The following MEIOB variants were observed in gnomAD, a reference collection of about 807,000 sequenced individuals.
MEIOB encodes meiosis-specific with OB domain-containing protein.
Under a neutral mutation model 53.1 loss-of-function variants are expected in MEIOB, and 50 were observed. The observed-to-expected ratio is 0.94, with a 90% CI of 0.75 to 1.19. The LOEUF (loss-of-function observed/expected upper bound fraction) is 1.19, where lower values mean the gene tolerates loss of function less well. MEIOB is among the 50% of genes most tolerant of loss of function. The pLI, the probability that MEIOB is intolerant of heterozygous loss-of-function variation, is 0.00. For synonymous variants in MEIOB, 192 were observed against 182.5 expected, an observed-to-expected ratio of 1.05 and a Z score of -0.42; for missense variants, 551 against 550.8, an observed-to-expected ratio of 1.00 and a Z score of 0.00.
At position 1,852,970 on chromosome 16, in the gene MEIOB, A is replaced by C. The variant is rs924259347; in HGVS notation, c.778+69T>G. ...CCAGGCTGAATTTTCATTCTTAAAT[A>C]TACTGTATAAATATTGAAATGTGTT... On this transcript the variant is annotated intron_variant, in intron 9 of 13. Transcript: ENST00000325962. The C allele has an allele frequency of 8.2e-5, 78 of 950,600 alleles. 1 individual carries two copies. In the South Asian group the frequency reaches 9.6e-4, roughly 12 times the overall value. The allele number at this position is 950,600 out of a possible 1,614,324, so 58.9% of individuals were successfully genotyped here.
intron 5 of MEIOB, among the ~76,000 whole-genome samples, chr16:1,858,215 C>G (rs1899357237): frequency 6.6e-6 from 1 of 152,142 alleles, no homozygotes; most frequent in Admixed American, 6.6e-5. Context: ...AAAATAGGAG[C>G]AAAAAAGCGC....
intron 11 of MEIOB, 110 bp from the exon 12 acceptor site, chr16:1,839,548 T>G (rs1261819006): frequency 5.1e-6 from 5 of 985,506 alleles, no homozygotes; most frequent in South Asian, 5.1e-5. Flanking sequence ...GTGGAAAACT[T>G]ACTGAGTGTT....
chr16:1,848,701 G>A lies in MEIOB; in HGVS notation c.779-3738C>T, dbSNP rs568493743. ...GGGACTATAGGCACCATACCACCACGCCCGGCTAATTTTTGTATTTTTAGT... is the reference window on the plus strand; with the variant it reads ...GGGACTATAGGCACCATACCACCACACCCGGCTAATTTTTGTATTTTTAGT... On this transcript the variant is annotated intron_variant, in intron 9 of 13. Transcript: ENST00000325962. 5.9e-5 allele frequency among the ~76,000 whole-genome samples: 9 copies of A among 151,754 alleles called. No individual in the cohort carries two copies. In the South Asian group the frequency reaches 1.0e-3, roughly 18 times the overall value.
chr16:1,852,388 G>T (rs1173039953), intron 9 of MEIOB, among the ~76,000 whole-genome samples: 1 of 150,316 alleles, frequency 6.7e-6, no homozygotes, highest in Non-Finnish European at 1.5e-5. Context: ...TTAGCTTCCC[G>T]AGTAGCTGGT....
intron 9 of MEIOB, among the ~76,000 whole-genome samples, chr16:1,847,424 T>C (rs1203402927): frequency 6.6e-6 from 1 of 151,792 alleles, no homozygotes; most frequent in Non-Finnish European, 1.5e-5. Flanking sequence ...CACATGCCAC[T>C]GCACTCCAGC....
intron 6 of MEIOB, among the ~76,000 whole-genome samples, chr16:1,854,627 G>A (rs1236862973): frequency 3.9e-5 from 6 of 152,136 alleles, no homozygotes; most frequent in Non-Finnish European, 8.8e-5. Flanking sequence ...TCTTCTTAGT[G>A]AACATCAAAT....
At chr16:1,854,258 T>C (rs1899242463) in intron 6 of MEIOB, 58 bp from the exon 7 acceptor site, 1 of 1,026,744 alleles carries the variant, frequency 9.7e-7, no homozygotes, top group Non-Finnish European at 1.4e-6. Context: ...CTTAAGTATT[T>C]GTTGATGAAA....
chr16:1,854,755 T>C (rs2142090473), intron 6 of MEIOB, among the ~76,000 whole-genome samples: 1 of 152,036 alleles, frequency 6.6e-6, no homozygotes, highest in Middle Eastern at 3.4e-3. Context: ...ACAGGAAACT[T>C]TGACACTGTC....
chr16:1,866,917 C>A (rs947429964), intron 2 of MEIOB, among the ~76,000 whole-genome samples: 1 of 152,108 alleles, frequency 6.6e-6, no homozygotes, highest in African/African-American at 2.4e-5. Context: ...CTTATTTAGA[C>A]ACATTGATAT....
At chr16:1,836,761 A>G (rs1233645750) in intron 13 of MEIOB, among the ~76,000 whole-genome samples, 2 of 147,254 alleles carry the variant, frequency 1.4e-5, no homozygotes, top group African/African-American at 4.9e-5. Context: ...TAATTTCATA[A>G]TAACACTAAT....
intron 3 of MEIOB, among the ~76,000 whole-genome samples, chr16:1,864,212 T>C (rs1019430327): frequency 1.3e-5 from 2 of 152,144 alleles, no homozygotes; most frequent in African/African-American, 4.8e-5. Flanking sequence ...TATTCTGAAC[T>C]GTCTATTAGT....
Position 1,837,843 on chromosome 16 carries a change from C to G in MEIOB, c.1246G>C (p.Glu416Gln), listed in dbSNP as rs1233167185. ...TVHEFLAMTD[E>Q]QKTALKWQFL... The stretch of plus-strand genomic sequence containing the variant: ...TGCCACTTTAATGCTGTTTTCTGTT[C>G]ATCTGTCATTGCAAGAAACTCATGT... The change falls in exon 13 of 14, where the codon GAA becomes CAA. Residue 416 changes from glutamate to glutamine, a missense_variant. Glu to Gln is a conservative substitution (Grantham distance 29). Coordinates refer to ENST00000325962, the MANE Select transcript of MEIOB (RefSeq NM_001163560.3). 10 of 1,533,954 alleles carry G rather than the reference C, an allele frequency of 6.5e-6. No homozygotes were observed. Among genetic ancestry groups the G allele is most frequent in the Non-Finnish European group, 8.8e-6 (10 of 1,139,464 alleles).
chr16:1,854,913 C>A (rs935294258), intron 6 of MEIOB, among the ~76,000 whole-genome samples: 3 of 152,150 alleles, frequency 2.0e-5, no homozygotes, highest in Non-Finnish European at 2.9e-5. Flanking sequence ...GCAGGCACCT[C>A]TGAGAGATGC....
chr16:1,852,968 A>C, intron 9 of MEIOB, 71 bp downstream of exon 9: 1 of 939,168 alleles, frequency 1.1e-6, no homozygotes, highest in Non-Finnish European at 1.6e-6. Flanking sequence ...TCATTCTTAA[A>C]TATACTGTAT....
Position 1,839,279 on chromosome 16 carries a change from A to C in MEIOB, c.1194T>G (p.Val398=), listed in dbSNP as rs1472125651. ...TLHSCSLTGS[V]AEETLGCTVH... ...CCGTGCAGCCCAAAGTCTCCTCAGC[A>C]ACACTTCCTGTGAGACTACAGGAAT... The change falls in exon 12 of 14, where the codon GTT becomes GTG. Residue 398 remains valine (V), a synonymous_variant. Transcript: ENST00000325962. The C allele has an allele frequency of 6.2e-7, 1 of 1,612,298 alleles. No individual in the cohort carries two copies.
Position 1,837,923 on chromosome 16 carries a change from T to C in MEIOB, c.1219-53A>G, listed in dbSNP as rs1596962077. 17 of 1,457,616 alleles carry C rather than the reference T, an allele frequency of 1.2e-5. No homozygotes were observed. The East Asian group carries it at 4.3e-4, about 37-fold the overall frequency. The allele number at this position is 1,457,616 out of a possible 1,614,324, so 90.3% of individuals were successfully genotyped here. A position where few individuals can be genotyped will look rare whatever the true frequency, so the allele number is the denominator to read the frequency against. ...TATATTTGAAGTTTACAAAGAAAAT[T>C]CATTTTTGACAACAGTGTGAAACAA... On this transcript the variant is annotated intron_variant, in intron 12 of 13. Transcript: ENST00000325962.
rs1041967415 is a variant in MEIOB at position 1,872,067 on chromosome 16, ACCCC to A, written c.-88_-85del. ...CGGCCTCGCGGACCTGGCCCGCCCG[ACCCC>A]CGGGTCGCCCGCGCTTCGCGGCTTC... On this transcript the variant is annotated 5_prime_UTR_variant, in exon 1 of 14. Coordinates refer to ENST00000325962, the MANE Select transcript of MEIOB (RefSeq NM_001163560.3). 1 of 149,872 alleles carries A rather than the reference ACCCC, an allele frequency of 6.7e-6. No homozygotes were observed. The highest frequency in any genetic ancestry group is 2.5e-5 in the African/African-American group (1 of 40,694). The allele number at this position is 149,872 out of a possible 1,614,324, so 9.3% of individuals were successfully genotyped here.
At chr16:1,849,264 C>T (rs1596972240) in intron 9 of MEIOB, among the ~76,000 whole-genome samples, 1 of 151,148 alleles carries the variant, frequency 6.6e-6, no homozygotes, top group East Asian at 1.9e-4. Flanking sequence ...ACTAAAAATA[C>T]AAAAAAGGCT....
At chr16:1,862,887 A>T (rs1899482461) in intron 3 of MEIOB, among the ~76,000 whole-genome samples, 1 of 151,928 alleles carries the variant, frequency 6.6e-6, no homozygotes, top group Admixed American at 6.6e-5. Context: ...CTGGGTGACA[A>T]GAGAAAAACT....
Sources: allele counts gnomAD v4.1 joint callset (sites outside exome capture counted in the v4.1 genomes callset), GRCh38; gene constraint gnomAD v4.1.1; transcripts MANE v1.5; gene names NCBI Gene and HGNC (gene_info 2026-07-23, HGNC 2026-07-21).